Variants in ATL2 observed in about 807,000 individuals in gnomAD.
The protein encoded by ATL2 is atlastin-2.
ATL2 carries 31 observed loss-of-function variants against 73.9 expected under a neutral mutation model. The observed-to-expected ratio is 0.42, with a 90% CI of 0.32 to 0.57. ATL2 has a LOEUF of 0.57. ATL2 is among the 20% of genes least tolerant of loss of function. The probability of loss-of-function intolerance (pLI) is 0.14; values close to 1 mark genes in which losing one functional copy is unlikely to be tolerated. For synonymous variants in ATL2, 291 were observed against 237.5 expected, an observed-to-expected ratio of 1.23 and a Z score of -2.07; for missense variants, 738 against 702.6, an observed-to-expected ratio of 1.05 and a Z score of -0.57.
chr2:38,325,703 C>CACCAGT (rs1668601039), intron 2 of ATL2, among the ~76,000 whole-genome samples: 3 of 60,262 alleles, frequency 5.0e-5, no homozygotes, highest in African/African-American at 1.3e-4. Context: ...CACCAGTACA[C>CACCAGT]ACACACACAC....
chr2:38,361,330 G>T, intron 1 of ATL2, among the ~76,000 whole-genome samples: 1 of 147,820 alleles, frequency 6.8e-6, no homozygotes, highest in Non-Finnish European at 1.5e-5. Context: ...CGCCAGCCTG[G>T]GTGACAGAGC....
chr2:38,347,246 AT>A (rs1335434971), intron 1 of ATL2, among the ~76,000 whole-genome samples: 1 of 152,234 alleles, frequency 6.6e-6, no homozygotes, highest in African/African-American at 2.4e-5. Context: ...AGAGGGCCTT[AT>A]AAAGCACATG....
chr2:38,376,032 C>A, intron 1 of ATL2: 6 of 1,367,870 alleles, frequency 4.4e-6, no homozygotes, highest in South Asian at 3.7e-5. Context: ...CCAGCAAAAC[C>A]TTTACACACC....
At chr2:38,306,851 C>T (rs1667473548) in intron 9 of ATL2, among the ~76,000 whole-genome samples, 1 of 152,024 alleles carries the variant, frequency 6.6e-6, no homozygotes, top group Non-Finnish European at 1.5e-5. Context: ...CAAGGATACC[C>T]ACTTTCACCA....
chr2:38,328,210 G>A (rs906925852), intron 2 of ATL2, among the ~76,000 whole-genome samples: 1 of 152,152 alleles, frequency 6.6e-6, no homozygotes, highest in African/African-American at 2.4e-5. Flanking sequence ...ACTCCAAAGA[G>A]TAACAGACAA....
chr2:38,321,880 T>C (rs1668341404), intron 2 of ATL2, among the ~76,000 whole-genome samples: 1 of 152,028 alleles, frequency 6.6e-6, no homozygotes, highest in African/African-American at 2.4e-5. Flanking sequence ...ACCTGGCTGA[T>C]TTTGGTATTT....
chr2:38,319,750 G>C (rs545465994), intron 2 of ATL2, among the ~76,000 whole-genome samples: 39 of 152,270 alleles, frequency 2.6e-4, no homozygotes, highest in Admixed American at 7.2e-4. Flanking sequence ...TGTCAAAACA[G>C]CACTGCTTTC....
intron 12 of ATL2, chr2:38,296,770 C>G (rs1666918512): frequency 7.1e-6 from 11 of 1,547,670 alleles, no homozygotes; most frequent in Non-Finnish European, 9.6e-6. Context: ...AGATCTCTGA[C>G]TAGCTGATTA....
intron 9 of ATL2, among the ~76,000 whole-genome samples, chr2:38,306,773 A>G (rs1255450070): frequency 6.6e-6 from 1 of 152,222 alleles, no homozygotes; most frequent in Non-Finnish European, 1.5e-5. Flanking sequence ...TATACAACAG[A>G]CCCACAGCTA....
intron 1 of ATL2, among the ~76,000 whole-genome samples, chr2:38,343,912 T>C (rs1053670318): frequency 3.9e-5 from 6 of 152,300 alleles, no homozygotes; most frequent in African/African-American, 4.8e-5. Flanking sequence ...TCTGCCACCA[T>C]GTGAGATGTG....
intron 7 of ATL2, among the ~76,000 whole-genome samples, chr2:38,312,371 T>G (rs1265094552): frequency 6.7e-6 from 1 of 150,316 alleles, no homozygotes; most frequent in East Asian, 1.9e-4. Flanking sequence ...TTAAAAAGTA[T>G]GTGGCACTTC....
At chr2:38,304,011 C>G (rs1271255993) in intron 9 of ATL2, among the ~76,000 whole-genome samples, 4 of 152,104 alleles carry the variant, frequency 2.6e-5, no homozygotes, top group Non-Finnish European at 4.4e-5. Context: ...CACCTGTAAT[C>G]TCAGCACCTT....
intron 9 of ATL2, among the ~76,000 whole-genome samples, chr2:38,304,850 G>A (rs181923220): frequency 1.7e-3 from 253 of 151,974 alleles, no homozygotes; most frequent in Non-Finnish European, 2.9e-3. Context: ...TTCACTAAAA[G>A]GAAGACAGGC....
rs115385535 is a variant in ATL2, at chr2:38,318,838, T to C, written c.498+47A>G. Reference sequence around the variant, plus strand: ...TGTTTTGATTTTTAATACTGGAAAATAGCCCAAGAAAGAATACAGGGTAGA... The same window carrying C: ...TGTTTTGATTTTTAATACTGGAAAACAGCCCAAGAAAGAATACAGGGTAGA... On this transcript the variant is annotated intron_variant, in intron 3 of 12. Coordinates refer to ENST00000378954, the MANE Select transcript of ATL2 (RefSeq NM_001135673.4). 7.8e-4 allele frequency: 1,237 copies of C among 1,576,684 alleles called. 15 individuals are homozygous for C. In the African/African-American group the frequency reaches 0.015, roughly 19 times the overall value.
At chr2:38,312,276 G>A (rs984564214) in intron 7 of ATL2, among the ~76,000 whole-genome samples, 3 of 152,112 alleles carry the variant, frequency 2.0e-5, no homozygotes, top group African/African-American at 4.8e-5. Flanking sequence ...GTCGGGGGAG[G>A]GGCCTGGTTG....
At chr2:38,314,526 T>C in intron 6 of ATL2, 82 bp downstream of exon 6, 1 of 928,556 alleles carries the variant, frequency 1.1e-6, no homozygotes, top group African/African-American at 1.6e-5. Flanking sequence ...TGTAATATCC[T>C]GGTGTCTCCA....
At position 38,314,661 on chromosome 2, in the gene ATL2, A is replaced by C; in HGVS notation, c.658T>G (p.Phe220Val). The C allele has an allele frequency of 6.3e-7, 1 of 1,584,736 alleles. No homozygotes were observed. Among genetic ancestry groups the C allele is most frequent in the Non-Finnish European group, 8.7e-7 (1 of 1,154,498 alleles). ...ATCGCAAGTCTTCCATACTCTGTAA[A>C]TAACTATTAAATAGAGTTAGTTAAA... The part of the protein sequence containing the change: ...QEDDLQHLQL[F>V]TEYGRLAMEE... Residue 220 changes from phenylalanine to valine, a missense_variant, in exon 6 of 13, where the codon TTT becomes GTT. Phe to Val is a conservative substitution (Grantham distance 50). Transcript: ENST00000378954.
chr2:38,374,148 C>T (rs995852835), intron 1 of ATL2, among the ~76,000 whole-genome samples: 3 of 144,686 alleles, frequency 2.1e-5, no homozygotes, highest in Non-Finnish European at 4.4e-5. Context: ...GCCTCGGCCT[C>T]CGAAAAGTGC....
Position 38,377,261 on chromosome 2 carries a change from C to A in ATL2, c.-1G>T. On this transcript the variant is annotated 5_prime_UTR_variant, in exon 1 of 13. Coordinates refer to ENST00000378954, the MANE Select transcript of ATL2 (RefSeq NM_001135673.4). ...GCGCTGCCTCGTCCCCCTCCGCCAT[C>A]TTGTACCGATTTAAAATTAACTCCC... 6.4e-7 allele frequency: 1 copy of A among 1,572,744 alleles called. No homozygotes were observed. Among genetic ancestry groups the A allele is most frequent in the Non-Finnish European group, 8.6e-7 (1 of 1,159,274 alleles).
Sources: allele counts gnomAD v4.1 joint callset (sites outside exome capture counted in the v4.1 genomes callset), GRCh38; gene constraint gnomAD v4.1.1; transcripts MANE v1.5; gene names NCBI Gene and HGNC (gene_info 2026-07-23, HGNC 2026-07-21).